KCNQ1: variants seen among roughly 807,000 people sequenced by gnomAD.
KCNQ1 encodes potassium voltage-gated channel subfamily Q member 1, also known as potassium voltage-gated channel subfamily KQT member 1.
A neutral mutation model predicts 72.4 loss-of-function variants in KCNQ1; 49 were observed. The observed-to-expected ratio is 0.68, with a 90% CI of 0.54 to 0.86. KCNQ1 has a LOEUF of 0.86. KCNQ1 is among the 40% of genes least tolerant of loss of function. KCNQ1 has a pLI of 0.00. For synonymous variants in KCNQ1, 450 were observed against 412.6 expected (o/e 1.09, Z -1.10); for missense variants, 790 against 945.1 (o/e 0.84, Z 2.15).
chr11:2,807,420 C>G (rs1262920576), intron 15 of KCNQ1, among the ~76,000 whole-genome samples: 1 of 152,210 alleles, frequency 6.6e-6, no homozygotes, highest in East Asian at 1.9e-4. Flanking sequence ...GACTGTGCCG[C>G]CCGCGGTCGC....
intron 8 of KCNQ1, among the ~76,000 whole-genome samples, chr11:2,586,410 C>T (rs1438090007): frequency 6.6e-6 from 1 of 152,204 alleles, no homozygotes; most frequent in African/African-American, 2.4e-5. Flanking sequence ...ATAAATCAGG[C>T]CCGTAAACCC....
At chr11:2,705,610 T>G (rs1850895859) in intron 11 of KCNQ1, among the ~76,000 whole-genome samples, 1 of 152,162 alleles carries the variant, frequency 6.6e-6, no homozygotes, top group African/African-American at 2.4e-5. Context: ...CCCCTTCCTG[T>G]GCAGGCCTGC....
rs1357192922 is a variant in KCNQ1 at position 2,451,402 on chromosome 11, TG to T, written c.386+5919del. ...GCACATTCACCTGACGCTCACTCAC[TG>T]CTGTGCGGCCTGCTCCCTAACAGGC... is the stretch of plus-strand genomic sequence containing the variant. On this transcript the variant is annotated intron_variant, in intron 1 of 15. Transcript: ENST00000155840. The surrounding 1 kb of genome is among the most constrained non-coding windows in gnomAD (Gnocchi z 6.4). Among the ~76,000 whole-genome samples the T allele has an allele frequency of 2.6e-5, 4 of 152,172 alleles. No individual in the cohort carries two copies. Among genetic ancestry groups the T allele is most frequent in the African/African-American group, 9.7e-5 (4 of 41,438 alleles).
chr11:2,679,102 G>A lies in KCNQ1; in HGVS notation c.1514+17021G>A, dbSNP rs1385246857. The A allele has an allele frequency of 5.0e-6, 2 of 398,652 alleles. No individual in the cohort carries two copies. The highest frequency in any genetic ancestry group is 4.1e-5 in the African/African-American group (2 of 48,748). The allele number at this position is 398,652 out of a possible 1,614,324, so 24.7% of individuals were successfully genotyped here. On this transcript the variant is annotated intron_variant, in intron 11 of 15. Transcript: ENST00000155840. This position sits in a 1 kb window ranked among gnomAD's most constrained non-coding sequence, Gnocchi z 4.8. ...ATAAAGTGTCATAGCTAGAGCTAGA[G>A]TGCTGTTATAAGCTGTGCAGGCCAA...
At chr11:2,619,960 T>TATC (rs1423602767) in intron 10 of KCNQ1, 2 of 349,948 alleles carry the variant, frequency 5.7e-6, no homozygotes, top group Admixed American at 6.0e-5. Flanking sequence ...TGGATAAGCC[T>TATC]ATCACCCAGG....
At chr11:2,686,636 G>C in intron 11 of KCNQ1, 1 of 398,664 alleles carries the variant, frequency 2.5e-6, no homozygotes, top group Non-Finnish European at 4.4e-6. Flanking sequence ...CTCAGGCCCA[G>C]GCTGCACAGA....
chr11:2,455,369 A>AC (rs1846175489), intron 1 of KCNQ1, among the ~76,000 whole-genome samples: 1 of 152,196 alleles, frequency 6.6e-6, no homozygotes, highest in Admixed American at 6.5e-5. Flanking sequence ...AAGTGCTGGG[A>AC]TTCAGGCTTG....
At chr11:2,640,282 C>G (rs1849552776) in intron 10 of KCNQ1, 1 of 397,926 alleles carries the variant, frequency 2.5e-6, no homozygotes, top group African/African-American at 2.1e-5. Context: ...GCAGAAATCA[C>G]CCATCTTCTG....
chr11:2,753,613 A>G (rs1188270401), intron 11 of KCNQ1, among the ~76,000 whole-genome samples: 2 of 152,212 alleles, frequency 1.3e-5, no homozygotes, highest in African/African-American at 4.8e-5. Context: ...TGGTATATTC[A>G]GAGTCATGCA....
Position 2,769,851 on chromosome 11 carries a change from C to T in KCNQ1, c.1590+932C>T, listed in dbSNP as rs1846562676. On this transcript the variant is annotated intron_variant, in intron 12 of 15. Coordinates refer to ENST00000155840, the MANE Select transcript of KCNQ1 (RefSeq NM_000218.3). This position sits in a 1 kb window ranked among gnomAD's most constrained non-coding sequence, Gnocchi z 4.6. ...GGGGCCCCTGGCACCTCAGCCACAGCCTCACCAGTCATAAGGCACAGCCCA... is the reference window on the plus strand; with the variant it reads ...GGGGCCCCTGGCACCTCAGCCACAGTCTCACCAGTCATAAGGCACAGCCCA... Among the ~76,000 whole-genome samples the T allele has an allele frequency of 1.3e-5, 2 of 152,066 alleles. No homozygotes were observed. Among genetic ancestry groups the T allele is most frequent in the Non-Finnish European group, 1.5e-5 (1 of 68,000 alleles).
At chr11:2,583,615 CT>C (rs1564824398) in intron 7 of KCNQ1, 70 bp downstream of exon 7, 1 of 1,059,726 alleles carries the variant, frequency 9.4e-7, no homozygotes, top group Non-Finnish European at 1.5e-6. Context: ...CTGCACGCCC[CT>C]CCCTGTGAGC....
chr11:2,687,477 A>C lies in KCNQ1; in HGVS notation c.1514+25396A>C, dbSNP rs913189566. ...GCACAAGAGCTGCTGCAGCATTTCA[A>C]TAGGGCCATCCCAGGCACCCTAGGA... On this transcript the variant is annotated intron_variant, in intron 11 of 15. Coordinates refer to ENST00000155840, the MANE Select transcript of KCNQ1 (RefSeq NM_000218.3). This position sits in a 1 kb window ranked among gnomAD's most constrained non-coding sequence, Gnocchi z 5.0. 2.5e-6 allele frequency: 1 copy of C among 398,646 alleles called. No homozygotes were observed. Among genetic ancestry groups the C allele is most frequent in the Non-Finnish European group, 4.4e-6 (1 of 226,240 alleles). 24.7% of individuals were successfully genotyped at this position (398,646 alleles called of 1,614,324 possible). A position where few individuals can be genotyped will look rare whatever the true frequency, so the allele number is the denominator to read the frequency against.
rs1393155416 is a variant in KCNQ1, at chr11:2,445,066, C to T, written c.-33C>T. ...TTCGCTGCAGCTCCCGGTGCCGCCG[C>T]TCGGGCCGGCCCCCCGGCAGGCCCT... On this transcript the variant is annotated 5_prime_UTR_variant, in exon 1 of 16. Transcript: ENST00000155840. The T allele has an allele frequency of 8.5e-6, 9 of 1,054,654 alleles. No homozygotes were observed. Among genetic ancestry groups the T allele is most frequent in the Admixed American group, 1.1e-4 (2 of 17,944 alleles). 65.3% of individuals were successfully genotyped at this position (1,054,654 alleles called of 1,614,324 possible).
intron 14 of KCNQ1, 108 bp downstream of exon 14, chr11:2,777,140 C>G: frequency 9.3e-7 from 1 of 1,071,346 alleles, no homozygotes; most frequent in Non-Finnish European, 1.4e-6. Flanking sequence ...ATTGCACCTC[C>G]AAAGTGCATG....
At chr11:2,665,403 G>C (rs568379692) in intron 11 of KCNQ1, 2 of 398,082 alleles carry the variant, frequency 5.0e-6, no homozygotes, top group African/African-American at 2.1e-5. Context: ...GCCAGGATGA[G>C]TTCCTGGGAT....
rs754473218 is a variant in KCNQ1, at chr11:2,668,249, T to C, written c.1514+6168T>C. 2.5e-6 allele frequency: 1 copy of C among 398,648 alleles called. No homozygotes were observed. The highest frequency in any genetic ancestry group is 4.4e-6 in the Non-Finnish European group (1 of 226,098). 24.7% of individuals were successfully genotyped at this position (398,648 alleles called of 1,614,324 possible). A position where few individuals can be genotyped will look rare whatever the true frequency, so the allele number is the denominator to read the frequency against. ...TGTGGCCAGCAGGCAGTTTCTGGTG[T>C]AGGTTGCTGTTTAAGAATATTCTGT... On this transcript the variant is annotated intron_variant, in intron 11 of 15. Coordinates refer to ENST00000155840, the MANE Select transcript of KCNQ1 (RefSeq NM_000218.3). This position sits in a 1 kb window ranked among gnomAD's most constrained non-coding sequence, Gnocchi z 4.3.
chr11:2,472,026 GGTT>G (rs1846483226), intron 1 of KCNQ1, among the ~76,000 whole-genome samples: 1 of 150,886 alleles, frequency 6.6e-6, no homozygotes, highest in Non-Finnish European at 1.5e-5. Context: ...GTGTATGTAT[GGTT>G]GTGTGTGTAT....
At chr11:2,583,578 C>G (rs371754479) in intron 7 of KCNQ1, 33 bp downstream of exon 7, 219 of 1,456,556 alleles carry the variant, frequency 1.5e-4, no homozygotes, top group Non-Finnish European at 2.0e-4. Context: ...TTCCCTGGCT[C>G]CTTGGACAGC....
Position 2,621,419 on chromosome 11 carries a change from A to G in KCNQ1, c.1393+32565A>G. On this transcript the variant is annotated intron_variant, in intron 10 of 15. Coordinates refer to ENST00000155840, the MANE Select transcript of KCNQ1 (RefSeq NM_000218.3). This position sits in a 1 kb window ranked among gnomAD's most constrained non-coding sequence, Gnocchi z 5.7. Reference sequence around the variant, plus strand: ...TCGTTTTTTGCTTGTTGATTGGTTTAAGTTCCTTATGGATTCTGGACATAG... The same window carrying G: ...TCGTTTTTTGCTTGTTGATTGGTTTGAGTTCCTTATGGATTCTGGACATAG... 2.5e-6 allele frequency: 1 copy of G among 398,512 alleles called. No individual in the cohort carries two copies. Among genetic ancestry groups the G allele is most frequent in the Non-Finnish European group, 4.4e-6 (1 of 226,036 alleles). The allele number at this position is 398,512 out of a possible 1,614,324, so 24.7% of individuals were successfully genotyped here. A position where few individuals can be genotyped will look rare whatever the true frequency, so the allele number is the denominator to read the frequency against.
Sources: allele counts gnomAD v4.1 joint callset (sites outside exome capture counted in the v4.1 genomes callset), GRCh38; gene constraint gnomAD v4.1.1; non-coding constraint Gnocchi (gnomAD v3.1); transcripts MANE v1.5; gene names NCBI Gene and HGNC (gene_info 2026-07-23, HGNC 2026-07-21).